SLC9C1: variants seen among roughly 807,000 people sequenced by gnomAD.
SLC9C1 encodes solute carrier family 9 member C1, also known as sodium/hydrogen exchanger 10.
SLC9C1 carries 97 observed loss-of-function variants against 140.9 expected under a neutral mutation model. The ratio of observed to expected loss-of-function variants is 0.69; its 90% CI spans 0.58 to 0.82. The LOEUF is 0.82. SLC9C1 is among the 40% of genes least tolerant of loss of function. SLC9C1 has a pLI of 0.00. For missense variants in SLC9C1, 1,340 were observed against 1,389.3 expected (o/e 0.96, Z 0.56); for synonymous variants, 440 against 442.6 (o/e 0.99, Z 0.07).
chr3:112,184,976 G>C (rs2077505402), intron 20 of SLC9C1, among the ~76,000 whole-genome samples: 1 of 152,092 alleles, frequency 6.6e-6, no homozygotes, highest in African/African-American at 2.4e-5. Context: ...AGGGGGAAGA[G>C]ATTCTCCCCC....
chr3:112,260,362 T>A (rs1400155212), intron 10 of SLC9C1, among the ~76,000 whole-genome samples: 3 of 152,146 alleles, frequency 2.0e-5, no homozygotes, highest in Non-Finnish European at 4.4e-5. Flanking sequence ...CATTTTTTTC[T>A]TTAGATTCTT....
chr3:112,155,063 A>AG lies in SLC9C1; in HGVS notation c.3365-15_3365-14insC. The AG allele has an allele frequency of 6.3e-7, 1 of 1,598,508 alleles. No homozygotes were observed. The highest frequency in any genetic ancestry group is 8.5e-7 in the Non-Finnish European group (1 of 1,175,776). On this transcript the variant is annotated splice_polypyrimidine_tract_variant and intron_variant, in intron 26 of 28. Coordinates refer to ENST00000305815, the MANE Select transcript of SLC9C1 (RefSeq NM_183061.3). The stretch of plus-strand genomic sequence containing the variant: ...TTCCAACTGAACCTGATTAAAAAAA[A>AG]AAAAAACAGTGTTAATTCAACCACT...
intron 5 of SLC9C1, among the ~76,000 whole-genome samples, chr3:112,277,326 A>T (rs2080242120): frequency 6.6e-6 from 1 of 152,152 alleles, no homozygotes; most frequent in Admixed American, 6.6e-5. Context: ...TGTCCTAATG[A>T]TTCTTTACAA....
Position 112,154,982 on chromosome 3 carries a change from C to G in SLC9C1, c.3417+15G>C. The G allele has an allele frequency of 6.2e-7, 1 of 1,608,126 alleles. No individual in the cohort carries two copies. ...ACCCAAAATACAACTTTTAGAAAGG[C>G]TGCTTTAAATTTACCTCCTTAACAT... On this transcript the variant is annotated intron_variant, in intron 27 of 28. Transcript: ENST00000305815.
At position 112,202,414 on chromosome 3, in the gene SLC9C1, A is replaced by G; in HGVS notation, c.2173-15T>C. On this transcript the variant is annotated splice_polypyrimidine_tract_variant and intron_variant, in intron 17 of 28. Transcript: ENST00000305815. Reference sequence around the variant, plus strand: ...GGTGCTATGAGCTGAATTAAACAGGACTTCCATTAATATAAATTGCACAAA... The same window carrying G: ...GGTGCTATGAGCTGAATTAAACAGGGCTTCCATTAATATAAATTGCACAAA... 6.4e-7 allele frequency: 1 copy of G among 1,569,270 alleles called. No individual in the cohort carries two copies. The highest frequency in any genetic ancestry group is 8.6e-7 in the Non-Finnish European group (1 of 1,157,540).
At chr3:112,195,224 C>A (rs1003494849) in intron 20 of SLC9C1, among the ~76,000 whole-genome samples, 4 of 152,200 alleles carry the variant, frequency 2.6e-5, no homozygotes, top group African/African-American at 9.6e-5. Flanking sequence ...GAAGTTTTAA[C>A]CATGTTTTCT....
At chr3:112,196,861 G>C (rs1427223764) in intron 20 of SLC9C1, among the ~76,000 whole-genome samples, 1 of 151,738 alleles carries the variant, frequency 6.6e-6, no homozygotes, top group Non-Finnish European at 1.5e-5. Context: ...GTCTTTGTCT[G>C]GTAGACCTGC....
intron 20 of SLC9C1, chr3:112,185,493 A>C: frequency 6.2e-7 from 1 of 1,611,132 alleles, no homozygotes; most frequent in East Asian, 2.2e-5. Context: ...CACCTGGCTG[A>C]TGATCTCTCC....
At chr3:112,235,704 T>A (rs2078965084) in intron 12 of SLC9C1, among the ~76,000 whole-genome samples, 1 of 152,196 alleles carries the variant, frequency 6.6e-6, no homozygotes, top group Admixed American at 6.5e-5. Flanking sequence ...GTCAAAGGCC[T>A]TTTCTGCATC....
rs2079071664 is a variant in SLC9C1, at chr3:112,239,125, G to T, written c.1446+715C>A. ...TCCACCCAGTTCGAGCTTCCTGGTG[G>T]CTTTGTTTACTTACTCAAGCCTCAG... On this transcript the variant is annotated intron_variant, in intron 12 of 28. Coordinates refer to ENST00000305815, the MANE Select transcript of SLC9C1 (RefSeq NM_183061.3). 2.0e-5 allele frequency among the ~76,000 whole-genome samples: 3 copies of T among 152,144 alleles called. No homozygotes were observed. In the South Asian group the frequency reaches 6.2e-4, roughly 32 times the overall value.
chr3:112,240,426 G>T (rs1254853917), intron 11 of SLC9C1, among the ~76,000 whole-genome samples: 2 of 152,208 alleles, frequency 1.3e-5, no homozygotes, highest in Non-Finnish European at 2.9e-5. Context: ...AACATTCTGG[G>T]TGTGTCTGTG....
At chr3:112,252,692 G>T (rs1341590187) in intron 10 of SLC9C1, among the ~76,000 whole-genome samples, 1 of 152,074 alleles carries the variant, frequency 6.6e-6, no homozygotes, top group African/African-American at 2.4e-5. Context: ...TGCCATCTTT[G>T]CTGTTTAGTA....
chr3:112,167,878 A>G (rs1440984139), intron 25 of SLC9C1, among the ~76,000 whole-genome samples: 2 of 152,106 alleles, frequency 1.3e-5, no homozygotes, highest in Non-Finnish European at 2.9e-5. Context: ...AAGCACCCAC[A>G]CCAAATCTCT....
chr3:112,270,668 T>C (rs2108315580), intron 6 of SLC9C1, among the ~76,000 whole-genome samples: 1 of 152,204 alleles, frequency 6.6e-6, no homozygotes, highest in African/African-American at 2.4e-5. Flanking sequence ...ATACAAAAAT[T>C]AGCTGGGTGT....
intron 8 of SLC9C1, among the ~76,000 whole-genome samples, chr3:112,265,972 A>C (rs941377084): frequency 1.3e-5 from 2 of 152,100 alleles, no homozygotes; most frequent in Non-Finnish European, 2.9e-5. Flanking sequence ...TTTATATGGG[A>C]AATTATTGAG....
chr3:112,231,235 G>T, intron 13 of SLC9C1, 126 bp downstream of exon 13: 1 of 1,094,818 alleles, frequency 9.1e-7, no homozygotes, highest in Non-Finnish European at 1.3e-6. Context: ...CTAAGACAAT[G>T]TCAAACTTCC....
chr3:112,154,970 CT>C, intron 27 of SLC9C1, 26 bp downstream of exon 27: 1 of 1,601,658 alleles, frequency 6.2e-7, no homozygotes, highest in Non-Finnish European at 8.5e-7. Flanking sequence ...CAAAATACAA[CT>C]TTTAGAAAGG....
chr3:112,152,136 A>G (rs1356973469), intron 27 of SLC9C1, among the ~76,000 whole-genome samples, 173 bp from the exon 28 acceptor site: 2 of 152,214 alleles, frequency 1.3e-5, no homozygotes, highest in Non-Finnish European at 2.9e-5. Flanking sequence ...ACCTGCACTC[A>G]GCATAGGGAA....
At chr3:112,257,995 A>G (rs996185947) in intron 10 of SLC9C1, among the ~76,000 whole-genome samples, 13 of 152,348 alleles carry the variant, frequency 8.5e-5, no homozygotes, top group South Asian at 6.2e-4. Context: ...ATTATGAGAT[A>G]CCATCTCACA....
Sources: allele counts gnomAD v4.1 joint callset (sites outside exome capture counted in the v4.1 genomes callset), GRCh38; gene constraint gnomAD v4.1.1; transcripts MANE v1.5; gene names NCBI Gene and HGNC (gene_info 2026-07-23, HGNC 2026-07-21).